SPAG16: variants seen among roughly 807,000 people sequenced by gnomAD.
SPAG16 encodes the protein sperm associated antigen 16.
SPAG16 carries 86 observed loss-of-function variants against 80.4 expected under a neutral mutation model. The ratio of observed to expected loss-of-function variants is 1.07; its 90% CI spans 0.90 to 1.28. The LOEUF is 1.28. Ranked by LOEUF, SPAG16 falls within the 50% of genes most tolerant of loss-of-function variation. The pLI is 0.00. For synonymous variants in SPAG16, 294 were observed against 265.9 expected (o/e 1.11, Z -1.03); for missense variants, 870 against 765.3 (o/e 1.14, Z -1.61).
chr2:213,470,597 G>T (rs2073024334), intron 9 of SPAG16, among the ~76,000 whole-genome samples: 1 of 152,132 alleles, frequency 6.6e-6, no homozygotes, highest in South Asian at 2.1e-4. Context: ...TGGCAAATTG[G>T]GCACTCAGCA....
chr2:213,885,353 T>TG (rs751332140), intron 11 of SPAG16, among the ~76,000 whole-genome samples: 1 of 152,188 alleles, frequency 6.6e-6, no homozygotes, highest in East Asian at 1.9e-4. Context: ...TTTGTAGCCA[T>TG]GAACTATAGT....
At chr2:214,357,285 T>C (rs994873512) in intron 15 of SPAG16, among the ~76,000 whole-genome samples, 1 of 151,968 alleles carries the variant, frequency 6.6e-6, no homozygotes, top group African/African-American at 2.4e-5. Flanking sequence ...CATTTTCTTT[T>C]GGAATAATTT....
chr2:214,147,905 G>C (rs1395113955), intron 14 of SPAG16, among the ~76,000 whole-genome samples: 1 of 152,092 alleles, frequency 6.6e-6, no homozygotes, highest in African/African-American at 2.4e-5. Context: ...AGAAAGAATA[G>C]AAATCAAGGA....
At chr2:213,299,065 T>G (rs961638205) in intron 3 of SPAG16, among the ~76,000 whole-genome samples, 9 of 152,194 alleles carry the variant, frequency 5.9e-5, no homozygotes, top group African/African-American at 2.2e-4. Flanking sequence ...TTTTTTGTTC[T>G]GATCTTATAT....
intron 8 of SPAG16, among the ~76,000 whole-genome samples, chr2:213,370,364 A>G (rs967572371): frequency 6.6e-6 from 1 of 152,212 alleles, no homozygotes; most frequent in Admixed American, 6.5e-5. Flanking sequence ...CCAGGATTTT[A>G]ACATAATTTT....
chr2:213,452,098 C>T (rs2071732885), intron 9 of SPAG16, among the ~76,000 whole-genome samples: 3 of 152,180 alleles, frequency 2.0e-5, no homozygotes, highest in Non-Finnish European at 4.4e-5. Flanking sequence ...TTACCCAGGA[C>T]ACTTCCAGCT....
chr2:213,410,194 ACT>A (rs1353903453), intron 9 of SPAG16, among the ~76,000 whole-genome samples: 9 of 152,250 alleles, frequency 5.9e-5, no homozygotes, highest in Admixed American at 1.3e-4. Flanking sequence ...GAAAAATTTA[ACT>A]CTCTTTCATC....
chr2:214,183,172 A>T (rs533099686), intron 15 of SPAG16, among the ~76,000 whole-genome samples: 1 of 152,024 alleles, frequency 6.6e-6, no homozygotes, highest in African/African-American at 2.4e-5. Context: ...GAAAATCCAT[A>T]CATCTACTAC....
chr2:213,943,856 C>A (rs955515843), intron 12 of SPAG16, among the ~76,000 whole-genome samples: 18 of 152,124 alleles, frequency 1.2e-4, no homozygotes, highest in African/African-American at 4.3e-4. Flanking sequence ...AATCAGACAT[C>A]TCAACAGAAG....
intron 10 of SPAG16, among the ~76,000 whole-genome samples, chr2:213,854,653 T>G (rs2075068502): frequency 6.6e-6 from 1 of 152,236 alleles, no homozygotes; most frequent in Admixed American, 6.5e-5. Flanking sequence ...ATAATAAGCT[T>G]ATGTGATCAA....
intron 12 of SPAG16, among the ~76,000 whole-genome samples, chr2:213,944,737 G>GCCT (rs2079364973): frequency 6.6e-6 from 1 of 152,084 alleles, no homozygotes; most frequent in South Asian, 2.1e-4. Flanking sequence ...ATATATTGAA[G>GCCT]CTTAAATTCC....
intron 10 of SPAG16, among the ~76,000 whole-genome samples, chr2:213,542,977 A>G (rs1198648414): frequency 1.3e-5 from 2 of 152,120 alleles, no homozygotes; most frequent in African/African-American, 4.8e-5. Flanking sequence ...TAAAGTTGGT[A>G]GATATCCAGC....
At chr2:213,531,879 C>CAA (rs1210155743) in intron 10 of SPAG16, among the ~76,000 whole-genome samples, 1 of 152,128 alleles carries the variant, frequency 6.6e-6, no homozygotes, top group Non-Finnish European at 1.5e-5. Context: ...TGGAATCTTA[C>CAA]AATCAGTGAA....
chr2:214,277,007 C>T (rs1199810799), intron 15 of SPAG16, among the ~76,000 whole-genome samples: 1 of 152,008 alleles, frequency 6.6e-6, no homozygotes, highest in South Asian at 2.1e-4. Flanking sequence ...ACTCTGTTTT[C>T]TCTAAACTTC....
chr2:213,589,909 G>C lies in SPAG16; in HGVS notation c.1070+99819G>C, dbSNP rs920311795. Among the ~76,000 whole-genome samples, 3 of 133,394 alleles carry C rather than the reference G, an allele frequency of 2.2e-5. No homozygotes were observed. The Admixed American group carries it at 2.3e-4, about 10-fold the overall frequency. 87.5% of individuals were successfully genotyped at this position (133,394 alleles called of 152,430 possible). On this transcript the variant is annotated intron_variant, in intron 10 of 15. Coordinates refer to ENST00000331683, the MANE Select transcript of SPAG16 (RefSeq NM_024532.5). ...TGCACTCCAGCCCGGGCAACAGAAC[G>C]AAACTCCATCTCAAAAAAAAAAAAA... is the stretch of plus-strand genomic sequence containing the variant.
chr2:213,779,280 A>G (rs766650143), intron 10 of SPAG16, among the ~76,000 whole-genome samples: 2 of 152,230 alleles, frequency 1.3e-5, no homozygotes, highest in Non-Finnish European at 2.9e-5. Context: ...CAGTAGTAGT[A>G]TAATCAAACC....
At chr2:214,086,272 T>C (rs576777444) in intron 13 of SPAG16, among the ~76,000 whole-genome samples, 5 of 152,220 alleles carry the variant, frequency 3.3e-5, no homozygotes, top group African/African-American at 7.2e-5. Context: ...TACTTGTCTT[T>C]TTCTTCGAAA....
At chr2:213,556,793 T>G (rs75833877) in intron 10 of SPAG16, among the ~76,000 whole-genome samples, 6,939 of 152,196 alleles carry the variant, frequency 0.046, 234 homozygotes, top group Middle Eastern at 0.088. Context: ...GAACAATACA[T>G]TTTCTTCTCA....
rs189608631 is a variant in SPAG16 at position 213,857,179 on chromosome 2, G to A, written c.1071-5306G>A. Among the ~76,000 whole-genome samples, 12 of 152,264 alleles carry A rather than the reference G, an allele frequency of 7.9e-5. No individual in the cohort carries two copies. The East Asian group carries it at 1.7e-3, about 22-fold the overall frequency. ...CGGGAGGCGGAGGTTGCAGTGAGCC[G>A]AGATCACTCCACTGAACTCCAGCCT... On this transcript the variant is annotated intron_variant, in intron 10 of 15. Coordinates refer to ENST00000331683, the MANE Select transcript of SPAG16 (RefSeq NM_024532.5).
Sources: gnomAD v4.1 joint callset for allele counts (sites outside exome capture counted in the v4.1 genomes callset) on GRCh38, gnomAD v4.1.1 for gene constraint, MANE v1.5 for transcripts, NCBI Gene and HGNC (gene_info 2026-07-23, HGNC 2026-07-21) for gene names.